HS6ST2: variants seen among roughly 807,000 people sequenced by gnomAD.
The protein encoded by HS6ST2 is heparan-sulfate 6-O-sulfotransferase 2.
HS6ST2 carries 17 observed loss-of-function variants against 33.0 expected under a neutral mutation model. That is an observed-to-expected ratio of 0.52 (90% CI 0.35 to 0.77). HS6ST2 has a LOEUF of 0.77. Among genes scored for constraint, HS6ST2 ranks in the 30% least tolerant of loss-of-function variants. The pLI is 0.01. For synonymous variants in HS6ST2, 248 were observed against 237.1 expected (o/e 1.05, Z -0.42); for missense variants, 519 against 551.7 (o/e 0.94, Z 0.59).
At chrX:132,956,715 G>T in intron 2 of HS6ST2, 93 bp downstream of exon 2, 2 of 1,021,882 alleles carry the variant, frequency 2.0e-6, no homozygotes, top group Non-Finnish European at 2.5e-6. Context: ...GGGCGTCAGG[G>T]TGCGCGCTAG....
intron 2 of HS6ST2, among the ~76,000 whole-genome samples, chrX:132,804,908 G>C (rs1357017592): frequency 1.8e-5 from 2 of 111,900 alleles, no homozygotes; most frequent in African/African-American, 6.5e-5. Context: ...AACTTGTTGA[G>C]ATAGGCAGAT....
intron 2 of HS6ST2, among the ~76,000 whole-genome samples, chrX:132,952,953 A>G (rs918244575): frequency 1.8e-5 from 2 of 111,870 alleles, no homozygotes; most frequent in African/African-American, 3.3e-5. Context: ...TCTAGGGTAC[A>G]ACATGAATAT....
At chrX:132,726,751 A>G (rs780735410) in intron 2 of HS6ST2, among the ~76,000 whole-genome samples, 39 of 112,039 alleles carry the variant, frequency 3.5e-4, no homozygotes, top group African/African-American at 1.2e-3. Context: ...AATAAATGTA[A>G]TCATATAACA....
At chrX:132,860,746 C>A (rs1325726386) in intron 2 of HS6ST2, among the ~76,000 whole-genome samples, 1 of 107,060 alleles carries the variant, frequency 9.3e-6, no homozygotes, top group Non-Finnish European at 1.9e-5. Context: ...CCTTGAGTTC[C>A]CTTCCAGTCT....
chrX:132,828,693 TACACACACACACACACAC>T (rs779585327), intron 2 of HS6ST2, among the ~76,000 whole-genome samples: 3 of 72,935 alleles, frequency 4.1e-5, no homozygotes, highest in African/African-American at 1.2e-4. Flanking sequence ...TATATATATA[TACACACACACACACACAC>T]ACACACACAC....
At position 132,652,052 on chromosome X, in the gene HS6ST2, A is replaced by T. The variant is rs768568991; in HGVS notation, c.1067+17061T>A. On this transcript the variant is annotated intron_variant, in intron 4 of 4. Transcript: ENST00000370833. Reference sequence around the variant, plus strand: ...TTTCTTTTCAGTTCCTTCCTGCTTCAAACCTACACTGAAGAGGCCCATTTC... The same window carrying T: ...TTTCTTTTCAGTTCCTTCCTGCTTCTAACCTACACTGAAGAGGCCCATTTC... Among the ~76,000 whole-genome samples, 3 of 111,820 alleles carry T rather than the reference A, an allele frequency of 2.7e-5. No homozygotes were observed. In the East Asian group the frequency reaches 8.5e-4, roughly 32 times the overall value.
intron 2 of HS6ST2, among the ~76,000 whole-genome samples, chrX:132,898,335 G>GA (rs1158233853): frequency 1.6e-4 from 16 of 103,158 alleles, no homozygotes; most frequent in Non-Finnish European, 3.2e-4. Context: ...TACTCAGTTT[G>GA]AAAAAAAGGT....
intron 2 of HS6ST2, among the ~76,000 whole-genome samples, chrX:132,842,726 C>A (rs145810255): frequency 0.052 from 5,744 of 111,303 alleles, 243 homozygotes; most frequent in African/African-American, 0.14. Context: ...GAGATAGATC[C>A]TGGTGACTCT....
chrX:132,927,998 T>C, intron 2 of HS6ST2, among the ~76,000 whole-genome samples: 1 of 111,594 alleles, frequency 9.0e-6, no homozygotes, highest in South Asian at 3.8e-4. Context: ...AGCATCTGCT[T>C]GGCTTTTGGG....
At position 132,958,556 on chromosome X, in the gene HS6ST2, T is replaced by G; in HGVS notation, c.47A>C (p.Gln16Pro). ...CAVREFEPPR[Q>P]PERGAPVRTT... is the part of the protein sequence containing the mutation. ...GCGGACGGGCGCTCCTCGCTCCGGT[T>G]GCCGCGGCGGCTCGAACTCCCGGAC... The change falls in exon 1 of 5, where the codon CAA (glutamine) becomes CCA (proline). Residue 16 changes from glutamine to proline, a missense_variant. Physicochemically the swap from Gln to Pro is moderately conservative, Grantham distance 76. Coordinates refer to ENST00000370833, the MANE Select transcript of HS6ST2 (RefSeq NM_001394073.1). The G allele has an allele frequency of 1.7e-6, 2 of 1,182,546 alleles. No homozygotes were observed. The highest frequency in any genetic ancestry group is 2.3e-6 in the Non-Finnish European group (2 of 881,019).
intron 3 of HS6ST2, among the ~76,000 whole-genome samples, chrX:132,695,588 A>T (rs1206035373): frequency 2.7e-5 from 3 of 111,820 alleles, no homozygotes; most frequent in East Asian, 5.7e-4. Context: ...AGTAAGAAAA[A>T]TCACACTATA....
At position 132,701,251 on chromosome X, in the gene HS6ST2, T is replaced by C. The variant is rs145628452; in HGVS notation, c.980+7211A>G. On this transcript the variant is annotated intron_variant, in intron 3 of 4. Transcript: ENST00000370833. ...CAATTAAAATCATACAAGGACTCAC[T>C]GTGCTGTGTGCCTTCCTCACTTCTT... Among the ~76,000 whole-genome samples the C allele has an allele frequency of 2.6e-3, 296 of 112,114 alleles. 2 individuals are homozygous for C. The highest frequency in any genetic ancestry group is 3.6e-3 in the Non-Finnish European group (190 of 53,171).
intron 2 of HS6ST2, among the ~76,000 whole-genome samples, chrX:132,904,466 T>C (rs1370177879): frequency 9.2e-6 from 1 of 108,851 alleles, no homozygotes; most frequent in Non-Finnish European, 1.9e-5. Context: ...AGAGTATGCA[T>C]ATCTTCCACT....
intron 2 of HS6ST2, among the ~76,000 whole-genome samples, chrX:132,819,843 G>A (rs140819352): frequency 8.9e-6 from 1 of 112,130 alleles, no homozygotes; most frequent in African/African-American, 3.2e-5. Flanking sequence ...AGTCCTTAAC[G>A]CCAAGACTGC....
chrX:132,763,386 T>C (rs1434961070), intron 2 of HS6ST2, among the ~76,000 whole-genome samples: 1 of 112,551 alleles, frequency 8.9e-6, no homozygotes, highest in Admixed American at 9.4e-5. Flanking sequence ...CACTGGGCAT[T>C]CCCAGAGAGA....
At chrX:132,776,511 T>C (rs1226672861) in intron 2 of HS6ST2, among the ~76,000 whole-genome samples, 2 of 111,527 alleles carry the variant, frequency 1.8e-5, no homozygotes, top group Non-Finnish European at 3.8e-5. Flanking sequence ...GGAATCTGTG[T>C]TCACTATTTC....
intron 4 of HS6ST2, among the ~76,000 whole-genome samples, chrX:132,656,888 G>A (rs1046920658): frequency 2.7e-5 from 3 of 111,731 alleles, no homozygotes; most frequent in Admixed American, 9.5e-5. Context: ...CCCAAGGGCT[G>A]TACAGAACAT....
At chrX:132,679,762 C>G (rs1053770207) in intron 3 of HS6ST2, among the ~76,000 whole-genome samples, 7 of 107,580 alleles carry the variant, frequency 6.5e-5, no homozygotes, top group Non-Finnish European at 1.3e-4. Flanking sequence ...TGGGGGGGGG[C>G]CAGTTCAGAG....
In HS6ST2 at chrX:132,946,786, G is replaced by C. The variant is rs188235799; in HGVS notation, c.947+10022C>G. 7.2e-5 allele frequency among the ~76,000 whole-genome samples: 8 copies of C among 111,674 alleles called. No homozygotes were observed. In the East Asian group the frequency reaches 2.0e-3, roughly 28 times the overall value. On this transcript the variant is annotated intron_variant, in intron 2 of 4. Transcript: ENST00000370833. ...TATATATTAAAAAATCTACCTCAGA[G>C]GGTTGTCGTGAGAATTAAATGAGAA...
Sources: gnomAD v4.1 joint callset for allele counts (sites outside exome capture counted in the v4.1 genomes callset) on GRCh38, gnomAD v4.1.1 for gene constraint, MANE v1.5 for transcripts, NCBI Gene and HGNC (gene_info 2026-07-23, HGNC 2026-07-21) for gene names.